Variants in TMEM232 observed in about 807,000 individuals in gnomAD.
TMEM232 encodes the protein transmembrane protein 232.
In TMEM232, 80 loss-of-function variants were observed where a neutral mutation model predicts 78.8. The observed-to-expected ratio is 1.01, with a 90% CI of 0.85 to 1.22. The LOEUF is 1.22. Among genes scored for constraint, TMEM232 ranks in the 50% most tolerant of loss-of-function variants. TMEM232 has a pLI of 0.00. For missense variants in TMEM232, 881 were observed against 742.2 expected, an observed-to-expected ratio of 1.19 and a Z score of -2.17; for synonymous variants, 297 against 254.3, an observed-to-expected ratio of 1.17 and a Z score of -1.60.
chr5:110,659,122 A>G (rs1789464673), intron 2 of TMEM232, among the ~76,000 whole-genome samples: 1 of 152,100 alleles, frequency 6.6e-6, no homozygotes, highest in Non-Finnish European at 1.5e-5. Flanking sequence ...GTTCAAGTAG[A>G]GATACAGGTG....
At chr5:110,716,945 A>G (rs140619014) in intron 1 of TMEM232, among the ~76,000 whole-genome samples, 1 of 152,280 alleles carries the variant, frequency 6.6e-6, no homozygotes, top group Non-Finnish European at 1.5e-5. Context: ...AAGCCAATGC[A>G]CACAGTGTAT....
intron 12 of TMEM232, among the ~76,000 whole-genome samples, chr5:110,427,173 T>C (rs566655165): frequency 6.2e-4 from 94 of 152,078 alleles, no homozygotes; most frequent in African/African-American, 2.2e-3. Flanking sequence ...ATAGGCTCTC[T>C]ACTTAGGCAA....
chr5:110,594,555 G>A (rs1324496626), intron 10 of TMEM232, among the ~76,000 whole-genome samples: 4 of 152,194 alleles, frequency 2.6e-5, no homozygotes, highest in East Asian at 3.9e-4. Flanking sequence ...AAGAACTACT[G>A]TCTTGAAATT....
At chr5:110,712,667 G>C (rs1796612543) in intron 1 of TMEM232, among the ~76,000 whole-genome samples, 1 of 152,204 alleles carries the variant, frequency 6.6e-6, no homozygotes, top group African/African-American at 2.4e-5. Context: ...CTATGTATCA[G>C]AATATATAAA....
At chr5:110,668,436 T>C (rs915682340) in intron 1 of TMEM232, among the ~76,000 whole-genome samples, 1 of 152,150 alleles carries the variant, frequency 6.6e-6, no homozygotes, top group Non-Finnish European at 1.5e-5. Flanking sequence ...CCGCCTGTGC[T>C]ACTCATTTGC....
At chr5:110,492,204 A>C (rs1765179624) in intron 12 of TMEM232, among the ~76,000 whole-genome samples, 1 of 151,856 alleles carries the variant, frequency 6.6e-6, no homozygotes, top group African/African-American at 2.4e-5. Flanking sequence ...AAAGTATAAT[A>C]ATAATAAAAT....
At chr5:110,608,135 TA>T (rs1781738008) in intron 8 of TMEM232, among the ~76,000 whole-genome samples, 1 of 151,950 alleles carries the variant, frequency 6.6e-6, no homozygotes. Context: ...GCTCTGCCAC[TA>T]ATTAGGCATA....
At position 110,455,721 on chromosome 5, in the gene TMEM232, C is replaced by A. The variant is rs114148816; in HGVS notation, c.1704-30805G>T. On this transcript the variant is annotated intron_variant, in intron 12 of 13. Coordinates refer to ENST00000455884, the MANE Select transcript of TMEM232 (RefSeq NM_001039763.4). ...TAAACAAAATGAGAGCAAATCGAATCTACTAATATATTAACACAAAAAGGA... is the reference window on the plus strand; with the variant it reads ...TAAACAAAATGAGAGCAAATCGAATATACTAATATATTAACACAAAAAGGA... Among the ~76,000 whole-genome samples the A allele has an allele frequency of 3.2e-3, 492 of 152,212 alleles. 3 individuals carry two copies. The highest frequency in any genetic ancestry group is 0.011 in the African/African-American group (454 of 41,524).
intron 12 of TMEM232, chr5:110,429,867 G>A (rs1464545765): frequency 1.3e-5 from 2 of 151,672 alleles, no homozygotes; most frequent in Non-Finnish European, 2.9e-5. Context: ...AATTAATTGT[G>A]TACATTGTTT....
chr5:110,642,479 C>G lies in TMEM232; in HGVS notation c.126-108G>C, dbSNP rs868660739. The G allele has an allele frequency of 5.4e-6, 4 of 737,280 alleles. No individual in the cohort carries two copies. The East Asian group carries it at 1.3e-4, about 24-fold the overall frequency. The allele number at this position is 737,280 out of a possible 1,614,324, so 45.7% of individuals were successfully genotyped here. A position where few individuals can be genotyped will look rare whatever the true frequency, so the allele number is the denominator to read the frequency against. ...GTATAACTATATTCTAGCAAAAATACTTTCTTAATAAAACTGTTTCACACA... is the reference window on the plus strand; with the variant it reads ...GTATAACTATATTCTAGCAAAAATAGTTTCTTAATAAAACTGTTTCACACA... On this transcript the variant is annotated intron_variant, in intron 2 of 13. Transcript: ENST00000455884.
At chr5:110,502,356 G>A (rs1401224164) in intron 12 of TMEM232, among the ~76,000 whole-genome samples, 1 of 152,090 alleles carries the variant, frequency 6.6e-6, no homozygotes, top group East Asian at 1.9e-4. Flanking sequence ...CGAGTGGGAA[G>A]GACAAATTTT....
chr5:110,555,497 C>A (rs1230350254), intron 11 of TMEM232, among the ~76,000 whole-genome samples: 2 of 152,102 alleles, frequency 1.3e-5, no homozygotes, highest in South Asian at 4.1e-4. Flanking sequence ...TGAGGGAGTG[C>A]TCTGTAGATT....
chr5:110,709,061 C>T (rs2150306567), intron 1 of TMEM232, among the ~76,000 whole-genome samples: 1 of 151,988 alleles, frequency 6.6e-6, no homozygotes, highest in Middle Eastern at 3.4e-3. Flanking sequence ...TGAATGAAAA[C>T]CAAAACACAG....
intron 12 of TMEM232, among the ~76,000 whole-genome samples, chr5:110,486,299 C>T (rs1561555931): frequency 6.6e-6 from 1 of 151,980 alleles, no homozygotes; most frequent in African/African-American, 2.4e-5. Flanking sequence ...GTTCCTTTTG[C>T]CATGCAAAAG....
chr5:110,391,326 T>TGTGTGAGAGAGAGAGAGAGAGA (rs549361387), intron 3 of TMEM232, among the ~76,000 whole-genome samples: 50 of 139,916 alleles, frequency 3.6e-4, no homozygotes, highest in African/African-American at 1.4e-3. Flanking sequence ...TGTGTGTGTG[T>TGTGTGAGAGAGAGAGAGAGAGA]GAGAGAGAGA....
chr5:110,445,948 T>C (rs1193805325), intron 12 of TMEM232, among the ~76,000 whole-genome samples: 3 of 152,160 alleles, frequency 2.0e-5, no homozygotes, highest in African/African-American at 7.2e-5. Flanking sequence ...TTCTGCCATA[T>C]TCTATTCATT....
intron 2 of TMEM232, among the ~76,000 whole-genome samples, chr5:110,645,713 C>G (rs1787391479): frequency 2.6e-5 from 4 of 151,552 alleles, no homozygotes; most frequent in Non-Finnish European, 3.0e-5. Context: ...TACTGCAAGT[C>G]TTAGCCAGAG....
At chr5:110,601,497 A>G (rs901811970) in intron 10 of TMEM232, among the ~76,000 whole-genome samples, 11 of 152,174 alleles carry the variant, frequency 7.2e-5, no homozygotes, top group African/African-American at 2.4e-4. Flanking sequence ...AAGCATTCCT[A>G]TACACCAATG....
intron 12 of TMEM232, among the ~76,000 whole-genome samples, chr5:110,517,650 T>C (rs537973937): frequency 6.6e-6 from 1 of 152,288 alleles, no homozygotes; most frequent in Non-Finnish European, 1.5e-5. Context: ...TGCTGCTCCA[T>C]GAAACAACAC....
Sources: gnomAD v4.1 joint callset for allele counts (sites outside exome capture counted in the v4.1 genomes callset) on GRCh38, gnomAD v4.1.1 for gene constraint, MANE v1.5 for transcripts, NCBI Gene and HGNC (gene_info 2026-07-23, HGNC 2026-07-21) for gene names.